The following RBM18 variants were observed in gnomAD, a reference collection of about 807,000 sequenced individuals.
RBM18 encodes probable RNA-binding protein 18.
In RBM18, 18 loss-of-function variants were observed where a neutral mutation model predicts 26.4. The ratio of observed to expected loss-of-function variants is 0.68; its 90% CI spans 0.47 to 1.01. RBM18 has a LOEUF of 1.01. Ranked by LOEUF, RBM18 falls within the 50% of genes least tolerant of loss-of-function variation. RBM18 has a pLI of 0.00. For missense variants in RBM18, 180 were observed against 219.2 expected (o/e 0.82, Z 1.13); for synonymous variants, 74 against 81.1 (o/e 0.91, Z 0.47).
intron 2 of RBM18, among the ~76,000 whole-genome samples, chr9:122,259,370 G>GA (rs942939607): frequency 1.6e-4 from 25 of 152,132 alleles, no homozygotes; most frequent in African/African-American, 5.8e-4. Context: ...TTGGATGATG[G>GA]AAAAAATTTC....
rs940729288 is a variant in RBM18 at position 122,238,013 on chromosome 9, G to C, written c.*3871C>G. The C allele has an allele frequency of 5.8e-4, 88 of 152,216 alleles. No homozygotes were observed. Among genetic ancestry groups the C allele is most frequent in the African/African-American group, 1.8e-3 (74 of 41,454 alleles). 9.4% of individuals were successfully genotyped at this position (152,216 alleles called of 1,614,324 possible). A position where few individuals can be genotyped will look rare whatever the true frequency, so the allele number is the denominator to read the frequency against. On this transcript the variant is annotated 3_prime_UTR_variant, in exon 6 of 6. Transcript: ENST00000417201. ...GTAGGCTATACAAAATTAGGAGGCA[G>C]AGGCCAGTTTGCTGAACACTGGACT... is the stretch of plus-strand genomic sequence containing the variant.
At chr9:122,257,136 C>T (rs899059945) in intron 2 of RBM18, among the ~76,000 whole-genome samples, 2 of 152,108 alleles carry the variant, frequency 1.3e-5, no homozygotes, top group Non-Finnish European at 2.9e-5. Context: ...AGTGCAGCGG[C>T]GCGATCTCGG....
At chr9:122,245,566 T>C (rs1309611589) in intron 4 of RBM18, among the ~76,000 whole-genome samples, 1 of 152,076 alleles carries the variant, frequency 6.6e-6, no homozygotes, top group African/African-American at 2.4e-5. Flanking sequence ...TCCTCCTTAT[T>C]TGGTAGGAAA....
At chr9:122,250,423 A>T (rs1479551671) in intron 3 of RBM18, among the ~76,000 whole-genome samples, 1 of 152,238 alleles carries the variant, frequency 6.6e-6, no homozygotes, top group Non-Finnish European at 1.5e-5. Context: ...AATACCAGTG[A>T]AACAACCCAA....
At position 122,241,804 on chromosome 9, in the gene RBM18, T is replaced by C; in HGVS notation, c.*80A>G. Reference sequence around the variant, plus strand: ...ATTGTGCTCCGTTGAATAGTACCATTCACATCTACAAAGTACACAGGCAGA... The same window carrying C: ...ATTGTGCTCCGTTGAATAGTACCATCCACATCTACAAAGTACACAGGCAGA... On this transcript the variant is annotated 3_prime_UTR_variant, in exon 6 of 6. Transcript: ENST00000417201. 1.6e-6 allele frequency: 2 copies of C among 1,220,212 alleles called. No individual in the cohort carries two copies. Among genetic ancestry groups the C allele is most frequent in the East Asian group, 2.3e-5 (1 of 42,792 alleles). The allele number at this position is 1,220,212 out of a possible 1,614,324, so 75.6% of individuals were successfully genotyped here.
At chr9:122,253,775 C>T (rs993642564) in intron 2 of RBM18, among the ~76,000 whole-genome samples, 1 of 150,698 alleles carries the variant, frequency 6.6e-6, no homozygotes, top group African/African-American at 2.4e-5. Flanking sequence ...CCTGTAATCT[C>T]AGCACTTTGG....
chr9:122,251,795 A>T (rs866572459), intron 3 of RBM18, 52 bp downstream of exon 3: 17 of 1,565,962 alleles, frequency 1.1e-5, no homozygotes, highest in Admixed American at 1.0e-4. Context: ...ATGCACAAAT[A>T]ATTATGACAG....
chr9:122,253,522 A>T lies in RBM18; in HGVS notation c.114-1549T>A, dbSNP rs558941016. On this transcript the variant is annotated intron_variant, in intron 2 of 5. Coordinates refer to ENST00000417201, the MANE Select transcript of RBM18 (RefSeq NM_033117.4). Reference sequence around the variant, plus strand: ...GGAAGTGACTTCAGGGGAAACGAAGACACCTTAAGTGCAAATGTGTGGTTT... The same window carrying T: ...GGAAGTGACTTCAGGGGAAACGAAGTCACCTTAAGTGCAAATGTGTGGTTT... 4.6e-5 allele frequency among the ~76,000 whole-genome samples: 7 copies of T among 152,254 alleles called. No homozygotes were observed. The South Asian group carries it at 1.5e-3, about 32-fold the overall frequency.
chr9:122,261,811 A>C (rs1443584056), intron 1 of RBM18, among the ~76,000 whole-genome samples: 2 of 152,232 alleles, frequency 1.3e-5, no homozygotes, highest in African/African-American at 4.8e-5. Flanking sequence ...CTATTACTAC[A>C]TGATACTTCA....
chr9:122,241,818 T>C lies in RBM18; in HGVS notation c.*66A>G, dbSNP rs1490797078. The C allele has an allele frequency of 1.6e-5, 22 of 1,418,992 alleles. No individual in the cohort carries two copies. Among genetic ancestry groups the C allele is most frequent in the Non-Finnish European group, 2.2e-5 (22 of 1,014,558 alleles). The allele number at this position is 1,418,992 out of a possible 1,614,324, so 87.9% of individuals were successfully genotyped here. ...AATAGTACCATTCACATCTACAAAG[T>C]ACACAGGCAGACGATTTTAGGTGTG... On this transcript the variant is annotated 3_prime_UTR_variant, in exon 6 of 6. Coordinates refer to ENST00000417201, the MANE Select transcript of RBM18 (RefSeq NM_033117.4).
chr9:122,254,682 CAT>C (rs1831661112), intron 2 of RBM18, among the ~76,000 whole-genome samples: 1 of 152,240 alleles, frequency 6.6e-6, no homozygotes, highest in South Asian at 2.1e-4. Context: ...AATCTATACA[CAT>C]GTTAAAATAG....
intron 5 of RBM18, 112 bp downstream of exon 5, chr9:122,245,144 G>A: frequency 1.4e-6 from 1 of 692,648 alleles, no homozygotes; most frequent in East Asian, 2.5e-5. Flanking sequence ...CTCTTGTCAA[G>A]TTAATAAATT....
intron 3 of RBM18, among the ~76,000 whole-genome samples, chr9:122,248,213 T>A (rs1054947137): frequency 6.6e-6 from 1 of 152,224 alleles, no homozygotes; most frequent in Non-Finnish European, 1.5e-5. Context: ...ATAAATAATG[T>A]ATAATCTTTA....
chr9:122,260,899 A>G (rs1439907797), intron 2 of RBM18, among the ~76,000 whole-genome samples: 1 of 152,208 alleles, frequency 6.6e-6, no homozygotes, highest in Non-Finnish European at 1.5e-5. Context: ...TGAATGAATG[A>G]AAACCAAAGG....
At chr9:122,244,563 G>A (rs1403156072) in intron 5 of RBM18, among the ~76,000 whole-genome samples, 1 of 152,188 alleles carries the variant, frequency 6.6e-6, no homozygotes, top group Non-Finnish European at 1.5e-5. Context: ...ATAAGTAAAT[G>A]ACACACTGCA....
Position 122,241,854 on chromosome 9 carries a change from TGC to T in RBM18, c.*28_*29del, listed in dbSNP as rs762958672. On this transcript the variant is annotated 3_prime_UTR_variant, in exon 6 of 6. Transcript: ENST00000417201. ...ACGATTTTAGGTGTGGAGACCAATT[TGC>T]TTTTGCTGCTACAGTAATTCACAAC... 17 of 1,606,582 alleles carry T rather than the reference TGC, an allele frequency of 1.1e-5. No individual in the cohort carries two copies. The East Asian group carries it at 3.6e-4, about 34-fold the overall frequency.
rs572576227 is a variant in RBM18, at chr9:122,239,732, T to C, written c.*2152A>G. 16 of 152,376 alleles carry C rather than the reference T, an allele frequency of 1.1e-4. No homozygotes were observed. Among genetic ancestry groups the C allele is most frequent in the African/African-American group, 3.6e-4 (15 of 41,588 alleles). The allele number at this position is 152,376 out of a possible 1,614,324, so 9.4% of individuals were successfully genotyped here. A position where few individuals can be genotyped will look rare whatever the true frequency, so the allele number is the denominator to read the frequency against. ...GAGAGACTAAACACAGTACGATACT[T>C]GCAGAGATTTCCATTAACAACTTCT... On this transcript the variant is annotated 3_prime_UTR_variant, in exon 6 of 6. Coordinates refer to ENST00000417201, the MANE Select transcript of RBM18 (RefSeq NM_033117.4).
At chr9:122,245,038 T>A (rs952176189) in intron 5 of RBM18, among the ~76,000 whole-genome samples, 2 of 152,198 alleles carry the variant, frequency 1.3e-5, no homozygotes, top group Non-Finnish European at 2.9e-5. Flanking sequence ...ACACCCAGTC[T>A]TTTTCGAGGG....
intron 1 of RBM18, 29 bp from the exon 2 acceptor site, chr9:122,261,537 A>C: frequency 1.5e-6 from 2 of 1,364,072 alleles, no homozygotes; most frequent in Non-Finnish European, 2.1e-6. Context: ...TTCAGGCAGG[A>C]GGGGAGTAAC....
Sources: allele counts gnomAD v4.1 joint callset (sites outside exome capture counted in the v4.1 genomes callset), GRCh38; gene constraint gnomAD v4.1.1; transcripts MANE v1.5; gene names NCBI Gene and HGNC (gene_info 2026-07-23, HGNC 2026-07-21).